The following FAM149A variants were observed in gnomAD, a reference collection of about 807,000 sequenced individuals.
FAM149A encodes the protein family with sequence similarity 149 member A, also known as protein FAM149A.
A neutral mutation model predicts 78.2 loss-of-function variants in FAM149A; 71 were observed. The ratio of observed to expected loss-of-function variants is 0.91; its 90% CI spans 0.75 to 1.11. The LOEUF (loss-of-function observed/expected upper bound fraction) is 1.11. Among genes scored for constraint, FAM149A ranks in the 50% least tolerant of loss-of-function variants. FAM149A has a pLI of 0.00. For missense variants in FAM149A, 1,036 were observed against 971.0 expected (o/e 1.07, Z -0.89); for synonymous variants, 446 against 410.5 (o/e 1.09, Z -1.04).
At chr4:186,109,984 T>C in intron 1 of FAM149A, 1 of 985,454 alleles carries the variant, frequency 1.0e-6, no homozygotes, top group Non-Finnish European at 1.2e-6. Flanking sequence ...ACTTTTAATC[T>C]GCAGAATAAT....
At chr4:186,140,580 T>C (rs1420597250) in intron 1 of FAM149A, among the ~76,000 whole-genome samples, 1 of 152,052 alleles carries the variant, frequency 6.6e-6, no homozygotes, top group Non-Finnish European at 1.5e-5. Flanking sequence ...CTATACCATT[T>C]TATTTTATCC....
Position 186,172,090 on chromosome 4 carries a change from T to G in FAM149A, c.*103T>G, listed in dbSNP as rs768335289. 2 of 1,494,730 alleles carry G rather than the reference T, an allele frequency of 1.3e-6. No homozygotes were observed. The highest frequency in any genetic ancestry group is 2.3e-5 in the Admixed American group (1 of 43,352). The allele number at this position is 1,494,730 out of a possible 1,614,324, so 92.6% of individuals were successfully genotyped here. ...TTATATTTATCTGTGTGTCTGACAG[T>G]GTGAGATGTTAGACCGAGAGAAAAG... On this transcript the variant is annotated 3_prime_UTR_variant, in exon 14 of 14. Coordinates refer to ENST00000389354, the MANE Select transcript of FAM149A (RefSeq NM_001367768.3).
chr4:186,158,830 A>G, intron 8 of FAM149A: 3 of 1,000,242 alleles, frequency 3.0e-6, no homozygotes, highest in Non-Finnish European at 3.6e-6. Flanking sequence ...AGGAGGATCA[A>G]CCACTGAGCG....
At chr4:186,150,471 G>A (rs1250128680) in intron 3 of FAM149A, among the ~76,000 whole-genome samples, 5 of 122,158 alleles carry the variant, frequency 4.1e-5, no homozygotes, top group Admixed American at 8.7e-5. Context: ...CCAGGCTGGA[G>A]TGCAGGGGCG....
At chr4:186,169,505 A>G (rs768824444) in intron 13 of FAM149A, 4 of 983,460 alleles carry the variant, frequency 4.1e-6, no homozygotes, top group Non-Finnish European at 4.8e-6. Context: ...TCAAAAATGG[A>G]AAGCTCTTTC....
Position 186,158,630 on chromosome 4 carries a change from C to T in FAM149A, c.1575+911C>T, listed in dbSNP as rs529709343. 1,030 of 287,782 alleles carry T rather than the reference C, an allele frequency of 3.6e-3. 3 individuals are homozygous for T. The highest frequency in any genetic ancestry group is 0.018 in the South Asian group (155 of 8,550). The allele number at this position is 287,782 out of a possible 1,614,324, so 17.8% of individuals were successfully genotyped here. The stretch of plus-strand genomic sequence containing the variant: ...CCCGAGGCTGCAGACCCAGCCCCTG[C>T]ACACACTGCCGCCCAGGTTGAGGGT... On this transcript the variant is annotated intron_variant, in intron 8 of 13. Transcript: ENST00000389354.
chr4:186,133,216 T>A, intron 1 of FAM149A: 1 of 969,720 alleles, frequency 1.0e-6, no homozygotes, highest in Non-Finnish European at 1.2e-6. Context: ...TGAGACAGAA[T>A]TTATTTTAAC....
intron 1 of FAM149A, chr4:186,147,067 T>C (rs915637660): frequency 2.0e-5 from 15 of 753,664 alleles, no homozygotes; most frequent in Non-Finnish European, 2.1e-5. Flanking sequence ...AGCATCTTCG[T>C]AGAGTAGCAG....
At chr4:186,132,130 G>A (rs1454206216) in intron 1 of FAM149A, 9 of 985,270 alleles carry the variant, frequency 9.1e-6, no homozygotes, top group Non-Finnish European at 1.1e-5. Context: ...CTAATCATTT[G>A]ACAAATTACC....
chr4:186,106,161 G>C (rs1211457300), intron 1 of FAM149A, among the ~76,000 whole-genome samples: 7 of 152,092 alleles, frequency 4.6e-5, no homozygotes, highest in Non-Finnish European at 8.8e-5. Context: ...GACATCATCT[G>C]ACACAAATGG....
chr4:186,152,811 T>C (rs1579889277), intron 4 of FAM149A, among the ~76,000 whole-genome samples: 1 of 152,270 alleles, frequency 6.6e-6, no homozygotes, highest in East Asian at 1.9e-4. Context: ...CCCAAAGTGC[T>C]GGGATTACAG....
rs552099541 is a variant in FAM149A, at chr4:186,110,269, C to T, written c.566+4627C>T. Reference sequence around the variant, plus strand: ...GTCTTTCTTGAAGAATAATTATTGTCTTAGGTCTTTTTGTTTCATCGTCTT... The same window carrying T: ...GTCTTTCTTGAAGAATAATTATTGTTTTAGGTCTTTTTGTTTCATCGTCTT... On this transcript the variant is annotated intron_variant, in intron 1 of 13. Transcript: ENST00000389354. The T allele has an allele frequency of 1.4e-4, 136 of 985,306 alleles. No homozygotes were observed. In the South Asian group the frequency reaches 5.7e-3, roughly 42 times the overall value. 61.0% of individuals were successfully genotyped at this position (985,306 alleles called of 1,614,324 possible).
At chr4:186,153,502 T>C in intron 4 of FAM149A, 143 bp from the exon 5 acceptor site, 16 of 1,481,900 alleles carry the variant, frequency 1.1e-5, no homozygotes, top group Admixed American at 2.1e-5. Context: ...GTCACACTTC[T>C]GTGATGCGTG....
chr4:186,169,728 A>C, intron 13 of FAM149A: 10 of 985,326 alleles, frequency 1.0e-5, no homozygotes, highest in Non-Finnish European at 1.2e-5. Flanking sequence ...GGGGGACTGC[A>C]GTGACCCCCA....
chr4:186,160,725 TCAC>T, intron 8 of FAM149A: 1 of 860,864 alleles, frequency 1.2e-6, no homozygotes, highest in Non-Finnish European at 1.3e-6. Context: ...CACACACACC[TCAC>T]CACACCCCAC....
intron 1 of FAM149A, among the ~76,000 whole-genome samples, chr4:186,108,520 G>A (rs1054861941): frequency 1.3e-5 from 2 of 151,962 alleles, no homozygotes; most frequent in Non-Finnish European, 2.9e-5. Flanking sequence ...ATGCTGAATA[G>A]CAGCAGGGGT....
rs1044590109 is a variant in FAM149A at position 186,164,567 on chromosome 4, C to T, written c.1890-777C>T. The T allele has an allele frequency of 4.9e-6, 4 of 822,716 alleles. No homozygotes were observed. In the African/African-American group the frequency reaches 7.4e-5, roughly 15 times the overall value. 51.0% of individuals were successfully genotyped at this position (822,716 alleles called of 1,614,324 possible). On this transcript the variant is annotated intron_variant, in intron 10 of 13. Coordinates refer to ENST00000389354, the MANE Select transcript of FAM149A (RefSeq NM_001367768.3). This position sits in a 1 kb window ranked among gnomAD's most constrained non-coding sequence, Gnocchi z 4.0. ...CACAGTTTGGGACTGATGTTTCCAG[C>T]TGTGTTGGGTCTGCTGTGCTGATTC...
At chr4:186,134,784 C>A (rs1259353761) in intron 1 of FAM149A, among the ~76,000 whole-genome samples, 5 of 135,156 alleles carry the variant, frequency 3.7e-5, no homozygotes, top group African/African-American at 1.2e-4. Context: ...CTTCACCAAG[C>A]AGCAGCAGGC....
chr4:186,127,718 T>G (rs992608966), intron 1 of FAM149A: 1 of 975,514 alleles, frequency 1.0e-6, no homozygotes, highest in African/African-American at 1.8e-5. Context: ...AGAGTTATGC[T>G]CTTGTCACCC....
Sources: gnomAD v4.1 joint callset for allele counts (sites outside exome capture counted in the v4.1 genomes callset) on GRCh38, gnomAD v4.1.1 for gene constraint, Gnocchi (gnomAD v3.1) non-coding constraint, MANE v1.5 for transcripts, NCBI Gene and HGNC (gene_info 2026-07-23, HGNC 2026-07-21) for gene names.